LRRIQ4: variants seen among roughly 807,000 people sequenced by gnomAD.
LRRIQ4 encodes leucine rich repeats and IQ motif containing 4.
A neutral mutation model predicts 40.1 loss-of-function variants in LRRIQ4; 21 were observed. The observed-to-expected ratio is 0.52, with a 90% confidence interval of 0.37 to 0.75. The LOEUF (loss-of-function observed/expected upper bound fraction) is 0.75, where lower values mean the gene tolerates loss of function less well. Among genes scored for constraint, LRRIQ4 ranks in the 30% least tolerant of loss-of-function variants. The pLI is 0.00. For synonymous variants in LRRIQ4, 277 were observed against 277.1 expected (o/e 1.00, Z 0.00); for missense variants, 655 against 660.0 (o/e 0.99, Z 0.08).
rs1225120397 is a variant in LRRIQ4 at position 169,812,928 on chromosome 3, G to A, written c.-150G>A. The A allele has an allele frequency of 5.3e-6, 1 of 189,902 alleles. No individual in the cohort carries two copies. Among genetic ancestry groups the A allele is most frequent in the African/African-American group, 2.3e-5 (1 of 42,634 alleles). 11.8% of individuals were successfully genotyped at this position (189,902 alleles called of 1,614,324 possible). On this transcript the variant is annotated 5_prime_UTR_variant, in exon 1 of 6. Transcript: ENST00000340806. The surrounding 1 kb of genome is among the most constrained non-coding windows in gnomAD (Gnocchi z 4.3). Reference sequence around the variant, plus strand: ...GCGTTGGGCTTTGGGAGCATAAAGGGTTTTGTGCTCCCAAAGGGCGGGGCC... The same window carrying A: ...GCGTTGGGCTTTGGGAGCATAAAGGATTTTGTGCTCCCAAAGGGCGGGGCC...
chr3:169,820,849 C>T (rs1001931634), intron 1 of LRRIQ4, among the ~76,000 whole-genome samples: 1 of 152,192 alleles, frequency 6.6e-6, no homozygotes, highest in Admixed American at 6.5e-5. Flanking sequence ...TTTAGTCCAG[C>T]CTGCAATTTT....
Position 169,822,363 on chromosome 3 carries a change from G to C in LRRIQ4, c.442G>C (p.Gly148Arg), listed in dbSNP as rs767086181. 15 of 1,612,960 alleles carry C rather than the reference G, an allele frequency of 9.3e-6. No individual in the cohort carries two copies. In the Middle Eastern group the frequency reaches 8.3e-4, roughly 89 times the overall value. ...AAACCTCCACCATCTCGAGCTGCTC[G>C]GACTGACCGGAAACCACCTGAAATG... ...FKNLHHLELL[G>R]LTGNHLKCLP... Residue 148 changes from glycine to arginine, a missense_variant, in exon 2 of 6, where the codon GGA becomes CGA. Coordinates refer to ENST00000340806, the MANE Select transcript of LRRIQ4 (RefSeq NM_001080460.3).
intron 1 of LRRIQ4, among the ~76,000 whole-genome samples, chr3:169,816,763 T>A (rs1779779508): frequency 6.6e-6 from 1 of 151,744 alleles, no homozygotes; most frequent in South Asian, 2.1e-4. Context: ...CTCTGCCTCC[T>A]GGGTTCAAGT....
intron 2 of LRRIQ4, among the ~76,000 whole-genome samples, chr3:169,824,575 C>T (rs1779997962): frequency 6.6e-6 from 1 of 151,954 alleles, no homozygotes; most frequent in Non-Finnish European, 1.5e-5. Context: ...TGCAGTGGTG[C>T]TATCTTGGCT....
intron 1 of LRRIQ4, among the ~76,000 whole-genome samples, chr3:169,821,162 G>T (rs1421543578): frequency 6.6e-6 from 1 of 152,104 alleles, no homozygotes; most frequent in Admixed American, 6.6e-5. Flanking sequence ...TTTTGTTGTT[G>T]TTTTTGTTTT....
At chr3:169,833,217 T>C in intron 5 of LRRIQ4, 34 bp downstream of exon 5, 3 of 1,557,112 alleles carry the variant, frequency 1.9e-6, no homozygotes, top group Non-Finnish European at 2.6e-6. Context: ...TAACAGTTGC[T>C]TTAGAGGGAG....
intron 5 of LRRIQ4, among the ~76,000 whole-genome samples, chr3:169,837,009 G>C (rs1254388060): frequency 6.6e-6 from 1 of 152,144 alleles, no homozygotes; most frequent in Admixed American, 6.5e-5. Flanking sequence ...TTGCTGGGTA[G>C]GTAGGAGGGA....
rs564890932 is a variant in LRRIQ4, at chr3:169,834,498, T to C, written c.1530+1315T>C. On this transcript the variant is annotated intron_variant, in intron 5 of 5. Coordinates refer to ENST00000340806, the MANE Select transcript of LRRIQ4 (RefSeq NM_001080460.3). Reference sequence around the variant, plus strand: ...CCTCTTGCACGTTCTTAAAATGATATTTAACATTGTTGGCCACAAGTTTAA... The same window carrying C: ...CCTCTTGCACGTTCTTAAAATGATACTTAACATTGTTGGCCACAAGTTTAA... Among the ~76,000 whole-genome samples, 5 of 152,378 alleles carry C rather than the reference T, an allele frequency of 3.3e-5. No individual in the cohort carries two copies. The East Asian group carries it at 9.6e-4, about 29-fold the overall frequency.
intron 1 of LRRIQ4, among the ~76,000 whole-genome samples, chr3:169,820,249 C>CTGTGTG (rs55800037): frequency 0.033 from 4,788 of 143,722 alleles, 105 homozygotes; most frequent in African/African-American, 0.055. Flanking sequence ...CCCATAGACT[C>CTGTGTG]TGTGTGTGTG....
At chr3:169,824,961 C>G (rs1780006803) in intron 2 of LRRIQ4, among the ~76,000 whole-genome samples, 1 of 151,846 alleles carries the variant, frequency 6.6e-6, no homozygotes, top group African/African-American at 2.4e-5. Context: ...CATGTGTTCC[C>G]TATAAATTAT....
intron 1 of LRRIQ4, among the ~76,000 whole-genome samples, chr3:169,813,894 G>A (rs1200070302): frequency 2.6e-5 from 4 of 152,154 alleles, no homozygotes; most frequent in Admixed American, 1.3e-4. Context: ...AACCTCTAGG[G>A]GGAGCATGCA....
chr3:169,837,335 AAGAT>A (rs2108189827), intron 5 of LRRIQ4, 140 bp from the exon 6 acceptor site: 1 of 976,500 alleles, frequency 1.0e-6, no homozygotes, highest in Non-Finnish European at 1.5e-6. Flanking sequence ...CCAATTGAGA[AAGAT>A]AGAAAATAAA....
In LRRIQ4 at chr3:169,830,481, T is replaced by G; in HGVS notation, c.1195-11T>G. ...AAGGTATATTATTATGGTACACTCA[T>G]GTTATTTCAGAGTCTCAAAGAGCTA... On this transcript the variant is annotated splice_polypyrimidine_tract_variant and intron_variant, in intron 3 of 5. Coordinates refer to ENST00000340806, the MANE Select transcript of LRRIQ4 (RefSeq NM_001080460.3). 2 of 1,567,428 alleles carry G rather than the reference T, an allele frequency of 1.3e-6. No individual in the cohort carries two copies. The highest frequency in any genetic ancestry group is 1.7e-6 in the Non-Finnish European group (2 of 1,151,444).
chr3:169,827,480 G>T (rs1037905854), intron 2 of LRRIQ4, among the ~76,000 whole-genome samples: 1 of 151,968 alleles, frequency 6.6e-6, no homozygotes, highest in African/African-American at 2.4e-5. Context: ...GGTGGTGGGC[G>T]CCTGTAGTCC....
Position 169,837,641 on chromosome 3 carries a change from T to C in LRRIQ4, c.*10T>C, listed in dbSNP as rs1013943861. The C allele has an allele frequency of 1.9e-6, 3 of 1,556,964 alleles. No individual in the cohort carries two copies. The highest frequency in any genetic ancestry group is 2.5e-5 in the South Asian group (2 of 81,372). On this transcript the variant is annotated 3_prime_UTR_variant, in exon 6 of 6. Coordinates refer to ENST00000340806, the MANE Select transcript of LRRIQ4 (RefSeq NM_001080460.3). ...GGGAAAAAAGAAATAATCCTGTAAATTGATAAATTGGGGTAATGGACCTTG... is the reference window on the plus strand; with the variant it reads ...GGGAAAAAAGAAATAATCCTGTAAACTGATAAATTGGGGTAATGGACCTTG...
intron 1 of LRRIQ4, among the ~76,000 whole-genome samples, chr3:169,814,326 G>T (rs556181208): frequency 4.3e-4 from 66 of 152,276 alleles, no homozygotes; most frequent in African/African-American, 1.4e-3. Context: ...ACATCGTGCT[G>T]CTTGTCGGTG....
intron 5 of LRRIQ4, among the ~76,000 whole-genome samples, chr3:169,835,486 C>A (rs1172110780): frequency 6.6e-6 from 1 of 151,338 alleles, no homozygotes; most frequent in Non-Finnish European, 1.5e-5. Context: ...ATCACAGGGG[C>A]AACTGGGATG....
chr3:169,822,437 G>T lies in LRRIQ4; in HGVS notation c.516G>T (p.Leu172=), dbSNP rs780071918. ...VNQTKLREIY[L]KRNQFEVFPQ... ...AGACCAAGCTGAGGGAGATCTACCTGAAGCGAAACCAGTTTGAAGTTTTCC... is the reference window on the plus strand; with the variant it reads ...AGACCAAGCTGAGGGAGATCTACCTTAAGCGAAACCAGTTTGAAGTTTTCC... Residue 172 remains leucine, a synonymous_variant, in exon 2 of 6, where the codon CTG becomes CTT. Coordinates refer to ENST00000340806, the MANE Select transcript of LRRIQ4 (RefSeq NM_001080460.3). The T allele has an allele frequency of 3.7e-6, 6 of 1,613,714 alleles. No individual in the cohort carries two copies. The East Asian group carries it at 1.1e-4, about 30-fold the overall frequency.
At chr3:169,820,031 C>G (rs962915998) in intron 1 of LRRIQ4, among the ~76,000 whole-genome samples, 1 of 152,174 alleles carries the variant, frequency 6.6e-6, no homozygotes, top group Non-Finnish European at 1.5e-5. Context: ...CATAAAGCAA[C>G]AAGCACCTGA....
Sources: allele counts gnomAD v4.1 joint callset (sites outside exome capture counted in the v4.1 genomes callset), GRCh38; gene constraint gnomAD v4.1.1; non-coding constraint Gnocchi (gnomAD v3.1); transcripts MANE v1.5; gene names NCBI Gene and HGNC (gene_info 2026-07-23, HGNC 2026-07-21).